Variants in FMN2 observed in about 807,000 individuals in gnomAD.
The protein encoded by FMN2 is formin-2.
Under a neutral mutation model 142.3 loss-of-function variants are expected in FMN2, and 51 were observed. The observed-to-expected ratio is 0.36, with a 90% CI of 0.29 to 0.45. The LOEUF is 0.45. Ranked by LOEUF, FMN2 falls within the 20% of genes least tolerant of loss-of-function variation. FMN2 has a pLI of 1.00. For missense variants in FMN2, 1,936 were observed against 2,122.8 expected (o/e 0.91, Z 1.73); for synonymous variants, 882 against 869.8 (o/e 1.01, Z -0.25).
intron 2 of FMN2, among the ~76,000 whole-genome samples, chr1:240,149,929 T>C: frequency 6.6e-6 from 1 of 152,040 alleles, no homozygotes; most frequent in East Asian, 1.9e-4. Context: ...TGAGTACAGG[T>C]GAAAACAAAT....
intron 14 of FMN2, among the ~76,000 whole-genome samples, chr1:240,356,709 G>A (rs1369692721): frequency 6.6e-6 from 1 of 152,150 alleles, no homozygotes; most frequent in Non-Finnish European, 1.5e-5. Context: ...TTCTCCTAGA[G>A]GCTGACATGG....
At chr1:240,253,372 T>C (rs1668346887) in intron 6 of FMN2, among the ~76,000 whole-genome samples, 1 of 152,168 alleles carries the variant, frequency 6.6e-6, no homozygotes, top group African/African-American at 2.4e-5. Flanking sequence ...TAATCTAGTT[T>C]ATTGCTGAAG....
At chr1:240,152,854 G>A (rs1663845593) in intron 2 of FMN2, among the ~76,000 whole-genome samples, 1 of 152,140 alleles carries the variant, frequency 6.6e-6, no homozygotes, top group Admixed American at 6.5e-5. Flanking sequence ...AGCCATCAGT[G>A]ATTATTGGAG....
intron 7 of FMN2, among the ~76,000 whole-genome samples, chr1:240,266,844 G>A (rs1313490041): frequency 6.6e-6 from 1 of 151,950 alleles, no homozygotes; most frequent in Non-Finnish European, 1.5e-5. Flanking sequence ...ATAAGCAATG[G>A]GGAAAGGACT....
At chr1:240,131,535 C>A (rs909405444) in intron 2 of FMN2, among the ~76,000 whole-genome samples, 3 of 151,924 alleles carry the variant, frequency 2.0e-5, no homozygotes, top group African/African-American at 7.3e-5. Flanking sequence ...ATGGTGAAAC[C>A]CCCGCCTCTA....
intron 14 of FMN2, among the ~76,000 whole-genome samples, chr1:240,388,679 T>A (rs1169025192): frequency 6.6e-6 from 1 of 151,900 alleles, no homozygotes; most frequent in East Asian, 1.9e-4. Context: ...CTGACCAATA[T>A]GATGAAACCC....
chr1:240,259,207 T>C (rs1473604222), intron 7 of FMN2, among the ~76,000 whole-genome samples: 1 of 152,188 alleles, frequency 6.6e-6, no homozygotes, highest in Non-Finnish European at 1.5e-5. Context: ...AGTTAAGTCA[T>C]AGGATGAAAT....
chr1:240,162,552 A>C (rs908863507), intron 2 of FMN2, among the ~76,000 whole-genome samples: 1 of 152,162 alleles, frequency 6.6e-6, no homozygotes. Context: ...TTTCCTTAAA[A>C]ATTATGTTTT....
chr1:240,318,895 TG>T (rs1471294076), intron 8 of FMN2, among the ~76,000 whole-genome samples: 5 of 152,142 alleles, frequency 3.3e-5, no homozygotes, highest in African/African-American at 9.7e-5. Context: ...CCCAGCTTTC[TG>T]GGTGGGTGAC....
At chr1:240,278,655 T>C (rs906511209) in intron 7 of FMN2, among the ~76,000 whole-genome samples, 4 of 152,186 alleles carry the variant, frequency 2.6e-5, no homozygotes, top group African/African-American at 9.7e-5. Context: ...AGATTAACTT[T>C]TAAGGGCTTT....
intron 6 of FMN2, among the ~76,000 whole-genome samples, chr1:240,254,911 C>T (rs1010470661): frequency 6.6e-6 from 1 of 152,130 alleles, no homozygotes; most frequent in African/African-American, 2.4e-5. Context: ...ACAGTGCCCT[C>T]CTGTAACTGC....
rs1156786154 is a variant in FMN2 at position 240,474,517 on chromosome 1, C to G, written c.*363C>G. 1 of 182,902 alleles carries G rather than the reference C, an allele frequency of 5.5e-6. No individual in the cohort carries two copies. Among genetic ancestry groups the G allele is most frequent in the African/African-American group, 2.3e-5 (1 of 42,762 alleles). 11.3% of individuals were successfully genotyped at this position (182,902 alleles called of 1,614,324 possible). A position where few individuals can be genotyped will look rare whatever the true frequency, so the allele number is the denominator to read the frequency against. ...TTCCTCGTCACAGCAAAAACACTTTCCTTTCTACTGACAACCAGTCCTCCA... is the reference window on the plus strand; with the variant it reads ...TTCCTCGTCACAGCAAAAACACTTTGCTTTCTACTGACAACCAGTCCTCCA... On this transcript the variant is annotated 3_prime_UTR_variant, in exon 18 of 18. Transcript: ENST00000319653.
chr1:240,279,266 A>G (rs559226214), intron 7 of FMN2, among the ~76,000 whole-genome samples: 2 of 152,122 alleles, frequency 1.3e-5, no homozygotes, highest in Non-Finnish European at 2.9e-5. Context: ...CTTTAATGAA[A>G]AAAAAATTCT....
chr1:240,425,236 C>A (rs1572294053), intron 15 of FMN2, among the ~76,000 whole-genome samples: 2 of 45,256 alleles, frequency 4.4e-5, no homozygotes, highest in African/African-American at 4.6e-5. Context: ...AGAGAGAGAG[C>A]CGTGAGACAC....
At chr1:240,121,225 A>G (rs1662230951) in intron 1 of FMN2, among the ~76,000 whole-genome samples, 1 of 152,048 alleles carries the variant, frequency 6.6e-6, no homozygotes, top group African/African-American at 2.4e-5. Flanking sequence ...ATTAGAACCA[A>G]CTGACAACCA....
chr1:240,325,836 G>A (rs1158596418), intron 8 of FMN2, among the ~76,000 whole-genome samples: 1 of 152,158 alleles, frequency 6.6e-6, no homozygotes, highest in African/African-American at 2.4e-5. Context: ...AGCACAAGAC[G>A]GCTGTGATGT....
At chr1:240,265,830 G>A (rs1668777527) in intron 7 of FMN2, among the ~76,000 whole-genome samples, 1 of 151,368 alleles carries the variant, frequency 6.6e-6, no homozygotes, top group African/African-American at 2.4e-5. Context: ...TCCTTCGTGT[G>A]TTTCTTAGGA....
In FMN2 at chr1:240,207,373, A is replaced by G; in HGVS notation, c.2561A>G (p.Asn854Ser). 1.2e-6 allele frequency: 2 copies of G among 1,613,710 alleles called. No individual in the cohort carries two copies. Among genetic ancestry groups the G allele is most frequent in the South Asian group, 1.1e-5 (1 of 91,064 alleles). ...TCCTCTGCCTTTAAAAACAGCTGTA[A>G]CATCCCATCTCCACCACCTCTGCCT... ...SVSSAFKNSC[N>S]IPSPPPLPCT... is the part of the protein sequence containing the mutation. Residue 854 changes from asparagine to serine, a missense_variant, in exon 5 of 18, where the codon AAC (asparagine) becomes AGC (serine). By Grantham distance (46) the Asn-to-Ser change is conservative (BLOSUM62 1). Transcript: ENST00000319653.
intron 4 of FMN2, among the ~76,000 whole-genome samples, chr1:240,202,717 G>C (rs1666173560): frequency 6.6e-6 from 1 of 152,076 alleles, no homozygotes; most frequent in Non-Finnish European, 1.5e-5. Flanking sequence ...TCCCACTTCA[G>C]CCTCGGAAAG....
Sources: allele counts gnomAD v4.1 joint callset (sites outside exome capture counted in the v4.1 genomes callset), GRCh38; gene constraint gnomAD v4.1.1; transcripts MANE v1.5; gene names NCBI Gene and HGNC (gene_info 2026-07-23, HGNC 2026-07-21).